Variants in EEF2 observed in about 807,000 individuals in gnomAD.
The protein encoded by EEF2 is eukaryotic translation elongation factor 2.
EEF2 carries 21 observed loss-of-function variants against 85.3 expected under a neutral mutation model. That is an observed-to-expected ratio of 0.25 (90% CI 0.17 to 0.35). The LOEUF (loss-of-function observed/expected upper bound fraction) is 0.35, where lower values mean the gene tolerates loss of function less well. Ranked by LOEUF, EEF2 falls within the 10% of genes least tolerant of loss-of-function variation. EEF2 has a pLI of 1.00. For missense variants in EEF2, 825 were observed against 1,225.3 expected, an observed-to-expected ratio of 0.67 and a Z score of 4.88; for synonymous variants, 723 against 508.8, an observed-to-expected ratio of 1.42 and a Z score of -5.67.
intron 1 of EEF2, 23 bp from the exon 2 acceptor site, chr19:3,984,373 G>A (rs543362187): frequency 6.2e-7 from 1 of 1,608,982 alleles, no homozygotes; most frequent in Non-Finnish European, 8.5e-7. Context: ...AGGAGGCTCA[G>A]ACCAGCTCGT....
chr19:3,982,982 G>A lies in EEF2; in HGVS notation c.437C>T (p.Ala146Val). The A allele has an allele frequency of 6.2e-7, 1 of 1,612,452 alleles. No individual in the cohort carries two copies. Among genetic ancestry groups the A allele is most frequent in the Non-Finnish European group, 8.5e-7 (1 of 1,179,944 alleles). The change falls in exon 4 of 15, where the codon GCC (alanine) becomes GTC (valine). Residue 146 changes from alanine (A) to valine (V), a missense_variant. By Grantham distance (64) the Ala-to-Val change is moderately conservative (BLOSUM62 0). Coordinates refer to ENST00000309311, the MANE Select transcript of EEF2 (RefSeq NM_001961.4). ...CACAGGCTTGATGCGCTCGGCAATG[G>A]CCTGCCGCAGCACTGTCTCCGTCTG... is the stretch of plus-strand genomic sequence containing the variant. ...CVQTETVLRQ[A>V]IAERIKPVLM...
chr19:3,983,288 G>A lies in EEF2; in HGVS notation c.222C>T (p.Ala74=), dbSNP rs774675630. ...CCGAGAGCTCGTAGAAGAGGGAGATGGCACTGATGGAGGGAGGGACTCGTC... is the reference window on the plus strand; with the variant it reads ...CCGAGAGCTCGTAGAAGAGGGAGATAGCACTGATGGAGGGAGGGACTCGTC... The part of the protein sequence containing the change: ...QERCITIKST[A]ISLFYELSEN... Residue 74 remains alanine (A), a synonymous_variant, in exon 3 of 15, where the codon GCC becomes GCT. Coordinates refer to ENST00000309311, the MANE Select transcript of EEF2 (RefSeq NM_001961.4). 4 of 1,612,740 alleles carry A rather than the reference G, an allele frequency of 2.5e-6. No individual in the cohort carries two copies. In the South Asian group the frequency reaches 3.3e-5, roughly 13 times the overall value.
rs902355350 is a variant in EEF2, at chr19:3,985,266, G to A, written c.3+112C>T. 1.5e-4 allele frequency: 184 copies of A among 1,224,380 alleles called. No homozygotes were observed. The East Asian group carries it at 5.6e-3, about 37-fold the overall frequency. 75.8% of individuals were successfully genotyped at this position (1,224,380 alleles called of 1,614,324 possible). A position where few individuals can be genotyped will look rare whatever the true frequency, so the allele number is the denominator to read the frequency against. On this transcript the variant is annotated intron_variant, in intron 1 of 14. Transcript: ENST00000309311. ...CAGCCCCGGGTCCTCCGGCCCCGCC[G>A]CCGCTACGTCTCCTCCTGGCACGGG...
rs1209895690 is a variant in EEF2, at chr19:3,980,956, A to G, written c.1035T>C (p.Pro345=). ...LLKAVMRRWL[P]AGDALLQMIT... is the part of the protein sequence containing the mutation. ...TCATCTGCAACAAGGCGTCTCCGGC[A>G]GGCAGCCAGCGGCGCATCACAGCCT... The change falls in exon 8 of 15, where the codon CCT becomes CCC. Residue 345 remains proline, a synonymous_variant. Transcript: ENST00000309311. 1 of 1,574,610 alleles carries G rather than the reference A, an allele frequency of 6.4e-7. No homozygotes were observed. The highest frequency in any genetic ancestry group is 1.3e-5 in the African/African-American group (1 of 74,352).
In EEF2 at chr19:3,981,987, G is replaced by A. The variant is rs2039754927; in HGVS notation, c.857C>T (p.Pro286Leu). The A allele has an allele frequency of 6.2e-7, 1 of 1,614,190 alleles. No homozygotes were observed. Among genetic ancestry groups the A allele is most frequent in the East Asian group, 2.2e-5 (1 of 44,888 alleles). Residue 286 changes from proline (P) to leucine (L), a missense_variant, in exon 6 of 15, where the codon CCA becomes CTA. Pro to Leu is a moderately conservative substitution (Grantham distance 98). Coordinates refer to ENST00000309311, the MANE Select transcript of EEF2 (RefSeq NM_001961.4). ...CAGGATCAGCTGGCAGAAGGTGCGTGGCAGCTTCTTCCCTTCGGGGCTGGT... is the reference window on the plus strand; with the variant it reads ...CAGGATCAGCTGGCAGAAGGTGCGTAGCAGCTTCTTCCCTTCGGGGCTGGT... ...SATSPEGKKLPRTFCQLILDP... is the reference protein window; with the variant it reads ...SATSPEGKKLLRTFCQLILDP...
chr19:3,984,849 G>A (rs115680459), intron 1 of EEF2: 217 of 175,944 alleles, frequency 1.2e-3, no homozygotes, highest in African/African-American at 4.9e-3. Flanking sequence ...TACACCTCGT[G>A]TCTCAATAAG....
At chr19:3,981,306 C>G in intron 7 of EEF2, 33 bp downstream of exon 7, 1 of 1,598,290 alleles carries the variant, frequency 6.3e-7, no homozygotes, top group Non-Finnish European at 8.6e-7. Flanking sequence ...AGCCTGTGTT[C>G]CCTCCACCCC....
At position 3,976,422 on chromosome 19, in the gene EEF2, G is replaced by T; in HGVS notation, c.*132C>A. 1 of 977,812 alleles carries T rather than the reference G, an allele frequency of 1.0e-6. No homozygotes were observed. Among genetic ancestry groups the T allele is most frequent in the Non-Finnish European group, 1.5e-6 (1 of 672,398 alleles). 60.6% of individuals were successfully genotyped at this position (977,812 alleles called of 1,614,324 possible). ...TGTTATGGTTGAGTGATGGCACGCA[G>T]CGGGCCCCAGAAACCTCTCAGGGGA... On this transcript the variant is annotated 3_prime_UTR_variant, in exon 15 of 15. Coordinates refer to ENST00000309311, the MANE Select transcript of EEF2 (RefSeq NM_001961.4).
In EEF2 at chr19:3,981,935, G is replaced by C; in HGVS notation, c.897+12C>G. 1 of 1,612,262 alleles carries C rather than the reference G, an allele frequency of 6.2e-7. No homozygotes were observed. The highest frequency in any genetic ancestry group is 1.7e-5 in the Admixed American group (1 of 59,980). On this transcript the variant is annotated intron_variant, in intron 6 of 14. Coordinates refer to ENST00000309311, the MANE Select transcript of EEF2 (RefSeq NM_001961.4). ...TCGCATCGGCGGGGTGCCTGGCGCA[G>C]CCCTCACTCACCTTGAAGATGGGGT...
At chr19:3,980,271 G>A (rs577883332) in intron 9 of EEF2, among the ~76,000 whole-genome samples, 17 of 152,348 alleles carry the variant, frequency 1.1e-4, no homozygotes, top group East Asian at 3.9e-4. Context: ...GGTATGGGTC[G>A]ACGGCCGCCA....
intron 9 of EEF2, 151 bp downstream of exon 9, chr19:3,980,363 G>T: frequency 9.4e-7 from 1 of 1,063,178 alleles, no homozygotes; most frequent in Non-Finnish European, 1.3e-6. Flanking sequence ...GCCCTCACTG[G>T]GCTAAGAACA....
chr19:3,985,219 G>T, intron 1 of EEF2, 159 bp downstream of exon 1: 1 of 764,096 alleles, frequency 1.3e-6, no homozygotes, highest in Non-Finnish European at 1.9e-6. Context: ...GCGGCGCACA[G>T]ACATGGCGGC....
chr19:3,985,458 G>A lies in EEF2; in HGVS notation c.-78C>T, dbSNP rs995814367. The A allele has an allele frequency of 1.4e-5, 20 of 1,396,250 alleles. No individual in the cohort carries two copies. The highest frequency in any genetic ancestry group is 3.1e-5 in the Admixed American group (1 of 31,868). 86.5% of individuals were successfully genotyped at this position (1,396,250 alleles called of 1,614,324 possible). A position where few individuals can be genotyped will look rare whatever the true frequency, so the allele number is the denominator to read the frequency against. On this transcript the variant is annotated 5_prime_UTR_variant, in exon 1 of 15. Transcript: ENST00000309311. ...GCCGAGGATGGCGGCGACGACGGCG[G>A]AAGAGAACGCTGACGTCAACACTCA...
At position 3,977,678 on chromosome 19, in the gene EEF2, G is replaced by A. The variant is rs1852481059; in HGVS notation, c.2068-68C>T. The A allele has an allele frequency of 6.8e-7, 1 of 1,475,196 alleles. No homozygotes were observed. Among genetic ancestry groups the A allele is most frequent in the South Asian group, 1.4e-5 (1 of 72,408 alleles). 91.4% of individuals were successfully genotyped at this position (1,475,196 alleles called of 1,614,324 possible). ...CGGCTGCTTGCCCTCCACCTGCCAA[G>A]TCCTGCAGGTCTCCACCAGGGGGAC... On this transcript the variant is annotated intron_variant, in intron 12 of 14. Coordinates refer to ENST00000309311, the MANE Select transcript of EEF2 (RefSeq NM_001961.4). This position sits in a 1 kb window ranked among gnomAD's most constrained non-coding sequence, Gnocchi z 5.4.
At chr19:3,984,756 C>A in intron 1 of EEF2, 1 of 217,792 alleles carries the variant, frequency 4.6e-6, no homozygotes, top group Non-Finnish European at 9.4e-6. Context: ...AATGCAAGGT[C>A]ACCCCTTGGC....
chr19:3,982,548 G>T (rs370105452), intron 4 of EEF2, 124 bp from the exon 5 acceptor site: 1 of 1,320,292 alleles, frequency 7.6e-7, no homozygotes, highest in Non-Finnish European at 1.1e-6. Flanking sequence ...TGGTCAAAGT[G>T]AAGAAATGAT....
Position 3,980,692 on chromosome 19 carries a change from G to T in EEF2, c.1168C>A (p.Pro390Thr). The change falls in exon 9 of 15, where the codon CCC (proline) becomes ACC (threonine). Residue 390 changes from proline to threonine, a missense_variant. By Grantham distance (38) the Pro-to-Thr change is conservative (BLOSUM62 -1). Transcript: ENST00000309311. ...EAAMGIKSCD[P>T]KGPLMMYISK... ...ATATACATCATAAGAGGGCCTTTGGGGTCACAGCTTTTAATGCCTGAGGGA... is the reference window on the plus strand; with the variant it reads ...ATATACATCATAAGAGGGCCTTTGGTGTCACAGCTTTTAATGCCTGAGGGA... The T allele has an allele frequency of 6.2e-7, 1 of 1,613,632 alleles. No homozygotes were observed. The highest frequency in any genetic ancestry group is 8.5e-7 in the Non-Finnish European group (1 of 1,179,594).
At position 3,976,412 on chromosome 19, in the gene EEF2, A is replaced by T; in HGVS notation, c.*142T>A. The T allele has an allele frequency of 1.2e-6, 1 of 844,828 alleles. No homozygotes were observed. Among genetic ancestry groups the T allele is most frequent in the Non-Finnish European group, 1.8e-6 (1 of 559,700 alleles). 52.3% of individuals were successfully genotyped at this position (844,828 alleles called of 1,614,324 possible). ...CGGCATCAAGTGTTATGGTTGAGTG[A>T]TGGCACGCAGCGGGCCCCAGAAACC... On this transcript the variant is annotated 3_prime_UTR_variant, in exon 15 of 15. Transcript: ENST00000309311.
In EEF2 at chr19:3,978,119, C is replaced by A. The variant is rs1419524650; in HGVS notation, c.1767G>T (p.Val589=). The A allele has an allele frequency of 5.3e-5, 79 of 1,504,244 alleles. No individual in the cohort carries two copies. Among genetic ancestry groups the A allele is most frequent in the Non-Finnish European group, 6.8e-5 (76 of 1,118,334 alleles). The allele number at this position is 1,504,244 out of a possible 1,614,324, so 93.2% of individuals were successfully genotyped here. ...TGTTGGGGGACTTGGAGAGGCAGAG[C>A]ACGTTCGACTCTTCACTGACCGTCT... ...YRETVSEESN[V]LCLSKSPNKH... Residue 589 remains valine, a synonymous_variant, in exon 12 of 15, where the codon GTG becomes GTT. Coordinates refer to ENST00000309311, the MANE Select transcript of EEF2 (RefSeq NM_001961.4).
Sources: allele counts gnomAD v4.1 joint callset (sites outside exome capture counted in the v4.1 genomes callset), GRCh38; gene constraint gnomAD v4.1.1; non-coding constraint Gnocchi (gnomAD v3.1); transcripts MANE v1.5; gene names NCBI Gene and HGNC (gene_info 2026-07-23, HGNC 2026-07-21).